The following ZC3H18 variants were observed in gnomAD, a reference collection of about 807,000 sequenced individuals.
ZC3H18 encodes the protein zinc finger CCCH-type containing 18, also known as zinc finger CCCH domain-containing protein 18.
ZC3H18 carries 8 observed loss-of-function variants against 106.1 expected under a neutral mutation model. The observed-to-expected ratio is 0.08, with a 90% CI of 0.04 to 0.14. The LOEUF (loss-of-function observed/expected upper bound fraction) is 0.14. ZC3H18 is among the 10% of genes least tolerant of loss of function. ZC3H18 has a pLI of 1.00. For synonymous variants in ZC3H18, 635 were observed against 522.1 expected, an observed-to-expected ratio of 1.22 and a Z score of -2.95; for missense variants, 1,318 against 1,278.4, an observed-to-expected ratio of 1.03 and a Z score of -0.47.
At chr16:88,606,293 T>C (rs1028285702) in intron 6 of ZC3H18, among the ~76,000 whole-genome samples, 2 of 152,274 alleles carry the variant, frequency 1.3e-5, no homozygotes, top group African/African-American at 4.8e-5. Context: ...GTTGGCATGG[T>C]TGCAGTTCCT....
At position 88,627,559 on chromosome 16, in the gene ZC3H18, A is replaced by AC. The variant is rs1906388317; in HGVS notation, c.2109-58dup. On this transcript the variant is annotated intron_variant, in intron 13 of 17. Transcript: ENST00000301011. The surrounding 1 kb of genome is among the most constrained non-coding windows in gnomAD (Gnocchi z 4.5). ...ACTGCGTAAAAGTGGACCATGGAGC[A>AC]CCCCCTGCTGGCCCCTCCCTCCAGT... The AC allele has an allele frequency of 1.9e-6, 3 of 1,540,214 alleles. No homozygotes were observed. The highest frequency in any genetic ancestry group is 2.6e-6 in the Non-Finnish European group (3 of 1,139,256).
Position 88,598,179 on chromosome 16 carries a change from G to A in ZC3H18, c.690G>A (p.Gly230=), listed in dbSNP as rs1904547782. Residue 230 remains glycine, a splice_region_variant and synonymous_variant, in exon 4 of 18, where the codon GGG becomes GGA. Transcript: ENST00000301011. ...CTGATCTCACTTTTGTTTCCATAGG[G>A]AACTGTACCTGGGGAATGAATTGTA... ...PRPTCRFFMK[G]NCTWGMNCRF... 1.9e-6 allele frequency: 3 copies of A among 1,606,820 alleles called. No homozygotes were observed. The highest frequency in any genetic ancestry group is 2.2e-5 in the South Asian group (2 of 90,464).
chr16:88,623,304 C>T lies in ZC3H18; in HGVS notation c.1753C>T (p.Arg585Cys), dbSNP rs1337578420. Residue 585 changes from arginine to cysteine, a missense_variant, in exon 10 of 18, where the codon CGC (arginine) becomes TGC (cysteine). Physicochemically the swap from Arg to Cys is radical, Grantham distance 180 (BLOSUM62 -3). Transcript: ENST00000301011. ...RSSSYSSYSS[R>C]SSRHSSFSGS... is the part of the protein sequence containing the mutation. ...TTCATCCTACAGCTCCTACTCCAGC[C>T]GCTCTTCCAGACACAGCTCGTTCTC... The T allele has an allele frequency of 3.7e-6, 6 of 1,613,884 alleles. No homozygotes were observed. Among genetic ancestry groups the T allele is most frequent in the East Asian group, 2.2e-5 (1 of 44,882 alleles).
At chr16:88,628,204 C>T (rs967636430) in intron 15 of ZC3H18, 85 bp downstream of exon 15, 22 of 1,511,866 alleles carry the variant, frequency 1.5e-5, no homozygotes, top group South Asian at 2.4e-5. Context: ...TCCTGGGGGA[C>T]GGAGCCTGAG....
intron 3 of ZC3H18, among the ~76,000 whole-genome samples, chr16:88,595,026 C>A (rs948829611): frequency 1.3e-5 from 2 of 152,170 alleles, no homozygotes; most frequent in African/African-American, 4.8e-5. Context: ...TGGTGCATGC[C>A]TGTAATTCCA....
intron 7 of ZC3H18, among the ~76,000 whole-genome samples, chr16:88,611,042 T>C (rs368316874): frequency 1.3e-5 from 2 of 152,224 alleles, no homozygotes; most frequent in Non-Finnish European, 2.9e-5. Context: ...AGATCCCCAC[T>C]TGAGGGTGCT....
intron 9 of ZC3H18, 74 bp from the exon 10 acceptor site, chr16:88,623,145 A>G (rs768335719): frequency 3.8e-5 from 59 of 1,560,052 alleles, no homozygotes; most frequent in Non-Finnish European, 4.8e-5. Context: ...GTAGCTGTGC[A>G]TGTGTGCGTC....
In ZC3H18 at chr16:88,627,449, G is replaced by A. The variant is rs1435346795; in HGVS notation, c.2109-173G>A. ...AAATGGGGCCCTGGCCTAGCCATGGGGACGTCCCTTACTTTGTAACCCTGA... is the reference window on the plus strand; with the variant it reads ...AAATGGGGCCCTGGCCTAGCCATGGAGACGTCCCTTACTTTGTAACCCTGA... On this transcript the variant is annotated intron_variant, in intron 13 of 17. Transcript: ENST00000301011. The surrounding 1 kb of genome is among the most constrained non-coding windows in gnomAD (Gnocchi z 4.5). 4.9e-6 allele frequency: 4 copies of A among 810,480 alleles called. No individual in the cohort carries two copies. Among genetic ancestry groups the A allele is most frequent in the Non-Finnish European group, 7.4e-6 (4 of 539,986 alleles). The allele number at this position is 810,480 out of a possible 1,614,324, so 50.2% of individuals were successfully genotyped here.
intron 2 of ZC3H18, among the ~76,000 whole-genome samples, chr16:88,584,382 A>G (rs1328355092): frequency 1.3e-5 from 2 of 151,862 alleles, no homozygotes; most frequent in African/African-American, 4.8e-5. Context: ...AGATCGTGCC[A>G]CTGCACTCCA....
At chr16:88,601,081 C>T (rs74033314) in intron 6 of ZC3H18, among the ~76,000 whole-genome samples, 12,708 of 152,330 alleles carry the variant, frequency 0.083, 597 homozygotes, top group Middle Eastern at 0.16. Flanking sequence ...CTTCTTGCCG[C>T]GAGCAGGCTA....
chr16:88,572,532 C>T (rs1567572930), intron 1 of ZC3H18, among the ~76,000 whole-genome samples: 1 of 152,044 alleles, frequency 6.6e-6, no homozygotes, highest in African/African-American at 2.4e-5. Context: ...GGACGATGGG[C>T]ACTTGTTATT....
At chr16:88,621,234 T>TA (rs1392935446) in intron 8 of ZC3H18, among the ~76,000 whole-genome samples, 4 of 150,928 alleles carry the variant, frequency 2.7e-5, no homozygotes, top group African/African-American at 9.7e-5. Context: ...TTTTTATTTT[T>TA]TTTTTTTTGA....
chr16:88,617,988 T>A (rs1301725749), intron 8 of ZC3H18, among the ~76,000 whole-genome samples: 1 of 152,246 alleles, frequency 6.6e-6, no homozygotes, highest in Non-Finnish European at 1.5e-5. Context: ...GAAACCCTAT[T>A]TTAGACCAGC....
At position 88,577,585 on chromosome 16, in the gene ZC3H18, T is replaced by C. The variant is rs1914842529; in HGVS notation, c.462T>C (p.Asp154=). 6.2e-7 allele frequency: 1 copy of C among 1,612,946 alleles called. No homozygotes were observed. The highest frequency in any genetic ancestry group is 8.5e-7 in the Non-Finnish European group (1 of 1,179,738). The change falls in exon 2 of 18, where the codon GAT becomes GAC. Residue 154 remains aspartate, a synonymous_variant. Transcript: ENST00000301011. The part of the protein sequence containing the change: ...EDEAEKAGAE[D]DEEKGEGTPR... ...AGGCTGAGAAAGCGGGGGCTGAGGA[T>C]GATGAGGAGAAAGGCGAAGGCACTC...
At chr16:88,622,416 G>T (rs746799428) in intron 9 of ZC3H18, 28 bp downstream of exon 9, 2 of 1,573,160 alleles carry the variant, frequency 1.3e-6, no homozygotes, top group Non-Finnish European at 8.6e-7. Flanking sequence ...GACGGCTGGG[G>T]TGTCAGCACC....
At chr16:88,629,952 T>C (rs758766252) in intron 16 of ZC3H18, among the ~76,000 whole-genome samples, 5 of 152,234 alleles carry the variant, frequency 3.3e-5, no homozygotes, top group Non-Finnish European at 5.9e-5. Context: ...CCAGGGCCTG[T>C]GCCCTGTGTG....
intron 6 of ZC3H18, among the ~76,000 whole-genome samples, chr16:88,604,351 C>A (rs1471045930): frequency 7.5e-5 from 10 of 133,714 alleles, no homozygotes; most frequent in African/African-American, 8.4e-5. Flanking sequence ...ACTCTTTCTC[C>A]AAAAAAAAAA....
At chr16:88,612,631 A>G (rs530633645) in intron 8 of ZC3H18, among the ~76,000 whole-genome samples, 65 of 150,916 alleles carry the variant, frequency 4.3e-4, no homozygotes, top group African/African-American at 8.0e-4. Context: ...ATGAGCTACA[A>G]TCGCACGGCT....
In ZC3H18 at chr16:88,577,438, G is replaced by A. The variant is rs535187706; in HGVS notation, c.315G>A (p.Glu105=). The part of the protein sequence containing the change: ...SPCEEEGDEG[E]EDRTSDLRDE... ...GCGAGGAGGAGGGGGACGAAGGGGA[G>A]GAAGACCGGACAAGCGACCTTAGGG... Residue 105 remains glutamate (E), a synonymous_variant, in exon 2 of 18, where the codon GAG becomes GAA. Coordinates refer to ENST00000301011, the MANE Select transcript of ZC3H18 (RefSeq NM_144604.4). 1.2e-5 allele frequency: 20 copies of A among 1,608,954 alleles called. No homozygotes were observed. The East Asian group carries it at 2.2e-4, about 18-fold the overall frequency.
Sources: gnomAD v4.1 joint callset for allele counts (sites outside exome capture counted in the v4.1 genomes callset) on GRCh38, gnomAD v4.1.1 for gene constraint, Gnocchi (gnomAD v3.1) non-coding constraint, MANE v1.5 for transcripts, NCBI Gene and HGNC (gene_info 2026-07-23, HGNC 2026-07-21) for gene names.